Variants in FAM204A observed in about 807,000 individuals in gnomAD.
FAM204A encodes protein FAM204A.
Under a neutral mutation model 35.4 loss-of-function variants are expected in FAM204A, and 16 were observed. The ratio of observed to expected loss-of-function variants is 0.45; its 90% CI spans 0.31 to 0.69. The LOEUF (loss-of-function observed/expected upper bound fraction) is 0.69, where lower values mean the gene tolerates loss of function less well. Among genes scored for constraint, FAM204A ranks in the 30% least tolerant of loss-of-function variants. The pLI, the probability that FAM204A is intolerant of heterozygous loss-of-function variation, is 0.07. For missense variants in FAM204A, 240 were observed against 265.7 expected, an observed-to-expected ratio of 0.90 and a Z score of 0.67; for synonymous variants, 76 against 86.9, an observed-to-expected ratio of 0.88 and a Z score of 0.70.
intron 7 of FAM204A, 167 bp from the exon 8 acceptor site, chr10:118,311,480 C>A: frequency 1.7e-6 from 1 of 585,908 alleles, no homozygotes; most frequent in Non-Finnish European, 2.9e-6. Context: ...AAGACAGGAC[C>A]CATATCTCCC....
At chr10:118,327,429 G>GC (rs1394398780) in intron 6 of FAM204A, among the ~76,000 whole-genome samples, 1 of 152,194 alleles carries the variant, frequency 6.6e-6, no homozygotes, top group East Asian at 1.9e-4. Flanking sequence ...CTTAATACCT[G>GC]CAAGGCCAAC....
intron 2 of FAM204A, among the ~76,000 whole-genome samples, chr10:118,338,670 G>A (rs756394106): frequency 3.9e-5 from 6 of 152,202 alleles, no homozygotes; most frequent in Non-Finnish European, 8.8e-5. Context: ...CAGTTTTTGA[G>A]CCAAGTATTC....
chr10:118,322,282 G>A (rs1362424391), intron 7 of FAM204A: 1 of 453,796 alleles, frequency 2.2e-6, no homozygotes, highest in East Asian at 7.0e-5. Flanking sequence ...TAACATCACA[G>A]TGGAGAAATC....
intron 7 of FAM204A, among the ~76,000 whole-genome samples, chr10:118,317,220 C>T (rs1208979903): frequency 3.3e-5 from 5 of 152,050 alleles, no homozygotes; most frequent in African/African-American, 9.7e-5. Flanking sequence ...ACCAAGGGTG[C>T]TAAGCTTCAA....
Position 118,301,530 on chromosome 10 carries a change from C to G in FAM204A, c.*9327G>C, listed in dbSNP as rs1845807809. The G allele has an allele frequency of 6.6e-6, 1 of 152,096 alleles. No homozygotes were observed. The highest frequency in any genetic ancestry group is 1.5e-5 in the Non-Finnish European group (1 of 68,016). The allele number at this position is 152,096 out of a possible 1,614,324, so 9.4% of individuals were successfully genotyped here. ...GGAGTAAGCATGTCTGTTCTTTGCT[C>G]TAGAGTGAGACACTATCTCAATCTT... is the stretch of plus-strand genomic sequence containing the variant. On this transcript the variant is annotated 3_prime_UTR_variant, in exon 9 of 9. Transcript: ENST00000369183.
chr10:118,317,596 T>C (rs1177892447), intron 7 of FAM204A, among the ~76,000 whole-genome samples: 3 of 152,024 alleles, frequency 2.0e-5, no homozygotes, highest in Admixed American at 2.0e-4. Flanking sequence ...ACCAGCCTTA[T>C]TTTTCTGATA....
intron 7 of FAM204A, among the ~76,000 whole-genome samples, chr10:118,316,051 C>T (rs2133269441): frequency 6.6e-6 from 1 of 152,184 alleles, no homozygotes; most frequent in East Asian, 1.9e-4. Flanking sequence ...TCAGCTATCC[C>T]TTTCTAGTGT....
intron 7 of FAM204A, among the ~76,000 whole-genome samples, chr10:118,314,486 G>A (rs1845999966): frequency 6.6e-6 from 1 of 152,156 alleles, no homozygotes; most frequent in Non-Finnish European, 1.5e-5. Context: ...TATGAAAGAG[G>A]CAGTTGAGAA....
intron 7 of FAM204A, among the ~76,000 whole-genome samples, chr10:118,321,724 C>CAAAAAAAAA (rs200200755): frequency 1.1e-3 from 98 of 87,186 alleles, no homozygotes; most frequent in East Asian, 2.0e-3. Flanking sequence ...TATGACAAAG[C>CAAAAAAAAA]AAAAAAAAAA....
At chr10:118,315,590 G>A (rs952923551) in intron 7 of FAM204A, among the ~76,000 whole-genome samples, 5 of 152,084 alleles carry the variant, frequency 3.3e-5, no homozygotes, top group Admixed American at 6.6e-5. Context: ...GAAGTAAAGC[G>A]GAACCATTAC....
Position 118,313,963 on chromosome 10 carries a change from A to G in FAM204A, c.544-2650T>C, listed in dbSNP as rs539865464. 5.9e-5 allele frequency among the ~76,000 whole-genome samples: 9 copies of G among 152,308 alleles called. No individual in the cohort carries two copies. In the South Asian group the frequency reaches 1.9e-3, roughly 32 times the overall value. ...CTGGGCATGCAGTCATCTGACTTCA[A>G]TAGACTCTTCACCTCGACATGTCAT... On this transcript the variant is annotated intron_variant, in intron 7 of 8. Transcript: ENST00000369183.
intron 6 of FAM204A, among the ~76,000 whole-genome samples, chr10:118,328,189 T>C (rs1038139860): frequency 6.6e-6 from 1 of 152,192 alleles, no homozygotes; most frequent in Non-Finnish European, 1.5e-5. Context: ...TACTCCCTGA[T>C]ACAATTCTTC....
intron 6 of FAM204A, 106 bp from the exon 7 acceptor site, chr10:118,326,349 T>C: frequency 1.1e-6 from 1 of 937,910 alleles, no homozygotes; most frequent in Non-Finnish European, 1.7e-6. Flanking sequence ...AAGTAGACCA[T>C]TAATTCTCAC....
At position 118,300,437 on chromosome 10, in the gene FAM204A, T is replaced by C. The variant is rs1845796391; in HGVS notation, c.*10420A>G. 1 of 152,200 alleles carries C rather than the reference T, an allele frequency of 6.6e-6. No homozygotes were observed. Among genetic ancestry groups the C allele is most frequent in the Non-Finnish European group, 1.5e-5 (1 of 68,036 alleles). 9.4% of individuals were successfully genotyped at this position (152,200 alleles called of 1,614,324 possible). A position where few individuals can be genotyped will look rare whatever the true frequency, so the allele number is the denominator to read the frequency against. On this transcript the variant is annotated 3_prime_UTR_variant, in exon 9 of 9. Transcript: ENST00000369183. ...CTGAACACCTACCATGTATGAGTCATTGAGAAATATCCTAGGAATACAGTC... is the reference window on the plus strand; with the variant it reads ...CTGAACACCTACCATGTATGAGTCACTGAGAAATATCCTAGGAATACAGTC...
rs1012879897 is a variant in FAM204A at position 118,307,975 on chromosome 10, G to C, written c.*2882C>G. On this transcript the variant is annotated 3_prime_UTR_variant, in exon 9 of 9. Transcript: ENST00000369183. ...AGTCTTGGCTGAGGTATTTAACTCT[G>C]TCATCAGAACTAATTATAGCAAACC... The C allele has an allele frequency of 1.8e-4, 27 of 152,188 alleles. No homozygotes were observed. Among genetic ancestry groups the C allele is most frequent in the Non-Finnish European group, 2.9e-5 (2 of 68,034 alleles). The allele number at this position is 152,188 out of a possible 1,614,324, so 9.4% of individuals were successfully genotyped here. A position where few individuals can be genotyped will look rare whatever the true frequency, so the allele number is the denominator to read the frequency against.
chr10:118,335,002 T>A, intron 6 of FAM204A, 112 bp downstream of exon 6: 1 of 703,450 alleles, frequency 1.4e-6, no homozygotes, highest in Middle Eastern at 3.2e-4. Context: ...CTTTTTGGTA[T>A]GCAGTAGGCA....
intron 7 of FAM204A, among the ~76,000 whole-genome samples, chr10:118,325,375 T>C (rs1482261243): frequency 6.6e-6 from 1 of 151,950 alleles, no homozygotes; most frequent in African/African-American, 2.4e-5. Flanking sequence ...TTTACCCAGA[T>C]AACCCATGAT....
Position 118,306,299 on chromosome 10 carries a change from T to A in FAM204A, c.*4558A>T, listed in dbSNP as rs1333213061. ...CGGGGGAAACCTGGCAGGGGAGCACTTAGGAGCCGAGGTTTCTCTTGGGCA... is the reference window on the plus strand; with the variant it reads ...CGGGGGAAACCTGGCAGGGGAGCACATAGGAGCCGAGGTTTCTCTTGGGCA... On this transcript the variant is annotated 3_prime_UTR_variant, in exon 9 of 9. Coordinates refer to ENST00000369183, the MANE Select transcript of FAM204A (RefSeq NM_022063.3). 6.6e-6 allele frequency: 1 copy of A among 152,302 alleles called. No individual in the cohort carries two copies. The highest frequency in any genetic ancestry group is 1.5e-5 in the Non-Finnish European group (1 of 68,094). 9.4% of individuals were successfully genotyped at this position (152,302 alleles called of 1,614,324 possible). A position where few individuals can be genotyped will look rare whatever the true frequency, so the allele number is the denominator to read the frequency against.
At position 118,335,392 on chromosome 10, in the gene FAM204A, C is replaced by T. The variant is rs576918577; in HGVS notation, c.353+4G>A. On this transcript the variant is annotated splice_donor_region_variant and intron_variant, in intron 5 of 8. Coordinates refer to ENST00000369183, the MANE Select transcript of FAM204A (RefSeq NM_022063.3). ...AATAGATAACTATTTTAAATTCTAC[C>T]TACCTATGTAATTCTTTTTCATTCT... 2 of 1,590,578 alleles carry T rather than the reference C, an allele frequency of 1.3e-6. No homozygotes were observed. The highest frequency in any genetic ancestry group is 3.5e-5 in the Admixed American group (2 of 56,576).
Sources: gnomAD v4.1 joint callset for allele counts (sites outside exome capture counted in the v4.1 genomes callset) on GRCh38, gnomAD v4.1.1 for gene constraint, MANE v1.5 for transcripts, NCBI Gene and HGNC (gene_info 2026-07-23, HGNC 2026-07-21) for gene names.